Variants in KLRG2 observed in about 807,000 individuals in gnomAD.
KLRG2 encodes killer cell lectin like receptor G2.
A neutral mutation model predicts 35.4 loss-of-function variants in KLRG2; 39 were observed. The ratio of observed to expected loss-of-function variants is 1.10; its 90% CI spans 0.85 to 1.44. The LOEUF (loss-of-function observed/expected upper bound fraction) is 1.44, where lower values mean the gene tolerates loss of function less well. Ranked by LOEUF, KLRG2 falls within the 40% of genes most tolerant of loss-of-function variation. The probability of loss-of-function intolerance (pLI) is 0.00; values close to 1 mark genes in which losing one functional copy is unlikely to be tolerated. For synonymous variants in KLRG2, 283 were observed against 265.8 expected (o/e 1.06, Z -0.63); for missense variants, 632 against 570.9 (o/e 1.11, Z -1.09).
At position 139,479,567 on chromosome 7, in the gene KLRG2, G is replaced by A. The variant is rs150561934; in HGVS notation, c.1005+60C>T. 5.2e-5 allele frequency: 78 copies of A among 1,510,232 alleles called. No individual in the cohort carries two copies. In the African/African-American group the frequency reaches 9.0e-4, roughly 17 times the overall value. The allele number at this position is 1,510,232 out of a possible 1,614,324, so 93.6% of individuals were successfully genotyped here. A position where few individuals can be genotyped will look rare whatever the true frequency, so the allele number is the denominator to read the frequency against. ...CTCAATCATTAAGCTTCTTTCCAGT[G>A]CTAGGATTCTGTGGTCTAGAAAGAT... On this transcript the variant is annotated intron_variant, in intron 3 of 4. Transcript: ENST00000340940.
intron 3 of KLRG2, among the ~76,000 whole-genome samples, chr7:139,472,593 AAAG>A (rs1796777704): frequency 6.6e-6 from 1 of 151,974 alleles, no homozygotes; most frequent in Non-Finnish European, 1.5e-5. Flanking sequence ...AAAAAAAAAA[AAAG>A]AATGGGAAGA....
At chr7:139,429,900 C>T in the KLRG2 span, among the ~76,000 whole-genome samples, 714 of 152,142 alleles carry the variant, frequency 4.7e-3, 10 homozygotes, top group African/African-American at 0.017. Context: ...ACCTCCCAGA[C>T]GGGGTGGCGG....
chr7:139,481,024 G>T (rs939172533), intron 1 of KLRG2, among the ~76,000 whole-genome samples: 2 of 152,156 alleles, frequency 1.3e-5, no homozygotes, highest in East Asian at 3.8e-4. Flanking sequence ...GATTACAGGC[G>T]TGAGCCACCG....
At chr7:139,460,058 A>T (rs1796542819) in intron 3 of KLRG2, among the ~76,000 whole-genome samples, 1 of 151,760 alleles carries the variant, frequency 6.6e-6, no homozygotes, top group Non-Finnish European at 1.5e-5. Context: ...CCATATTTGT[A>T]TATTTTTAGT....
intron 3 of KLRG2, among the ~76,000 whole-genome samples, chr7:139,469,292 T>C (rs1796718166): frequency 6.6e-6 from 1 of 152,160 alleles, no homozygotes; most frequent in Non-Finnish European, 1.5e-5. Flanking sequence ...CCCGAATAGC[T>C]GGGACTACAG....
rs886120242 is a variant in KLRG2, at chr7:139,469,235, C to T, written c.1005+10392G>A. Among the ~76,000 whole-genome samples, 9 of 152,228 alleles carry T rather than the reference C, an allele frequency of 5.9e-5. 1 individual carries two copies. The highest frequency in any genetic ancestry group is 1.5e-5 in the Non-Finnish European group (1 of 68,038). ...AGTGCGGTGGTGCGATCTTTGCTCA[C>T]TGCAGCCTCTGCCTCCCAGGTTCAA... On this transcript the variant is annotated intron_variant, in intron 3 of 4. Transcript: ENST00000340940.
chr7:139,451,849 T>C (rs1321120586), downstream of KLRG2, among the ~76,000 whole-genome samples: 1 of 152,024 alleles, frequency 6.6e-6, no homozygotes, highest in African/African-American at 2.4e-5. Context: ...TGGGAACACA[T>C]GGCAGGGGAT....
chr7:139,437,152 C>T, the KLRG2 span, among the ~76,000 whole-genome samples: 4 of 152,286 alleles, frequency 2.6e-5, no homozygotes, highest in South Asian at 4.2e-4. Flanking sequence ...TTTGGCCAGG[C>T]GCAGTGGCTC....
chr7:139,469,741 G>A (rs565728784), intron 3 of KLRG2, among the ~76,000 whole-genome samples: 1 of 152,318 alleles, frequency 6.6e-6, no homozygotes, highest in Admixed American at 6.5e-5. Flanking sequence ...ACTACGCCCG[G>A]CTAATACAGT....
chr7:139,440,464 A>G, the KLRG2 span, among the ~76,000 whole-genome samples: 1 of 117,636 alleles, frequency 8.5e-6, no homozygotes, highest in South Asian at 2.6e-4. Flanking sequence ...GGATCTTCCC[A>G]TGTTACCCAG....
chr7:139,482,495 C>A (rs1016069359), intron 1 of KLRG2, among the ~76,000 whole-genome samples: 2 of 151,940 alleles, frequency 1.3e-5, no homozygotes, highest in Non-Finnish European at 2.9e-5. Context: ...CGGGTTCAAG[C>A]GACTCTCCTG....
chr7:139,430,439 A>G, the KLRG2 span, among the ~76,000 whole-genome samples: 1 of 152,116 alleles, frequency 6.6e-6, no homozygotes, highest in Admixed American at 6.5e-5. Flanking sequence ...ATCCCATTAC[A>G]CATCCACTAG....
chr7:139,448,255 T>A (rs1326268422), downstream of KLRG2, among the ~76,000 whole-genome samples: 4 of 152,008 alleles, frequency 2.6e-5, no homozygotes, highest in African/African-American at 9.7e-5. Context: ...CTCTGCCTCC[T>A]AAAGTCCTGT....
chr7:139,462,208 G>A (rs953977900), intron 3 of KLRG2, among the ~76,000 whole-genome samples: 1 of 152,110 alleles, frequency 6.6e-6, no homozygotes, highest in Non-Finnish European at 1.5e-5. Context: ...GTTTAATCAC[G>A]CAGGGATGCC....
chr7:139,475,264 G>A (rs1218827294), intron 3 of KLRG2, among the ~76,000 whole-genome samples: 1 of 152,194 alleles, frequency 6.6e-6, no homozygotes, highest in Non-Finnish European at 1.5e-5. Context: ...GGGCGCGGTG[G>A]CTCACGCCTG....
chr7:139,461,783 G>C (rs575632392), intron 3 of KLRG2, among the ~76,000 whole-genome samples: 3 of 151,896 alleles, frequency 2.0e-5, no homozygotes, highest in Non-Finnish European at 4.4e-5. Context: ...GACTCAGCCC[G>C]CCTGCACCCA....
intron 3 of KLRG2, among the ~76,000 whole-genome samples, chr7:139,462,118 A>G (rs1796578904): frequency 6.6e-6 from 1 of 152,110 alleles, no homozygotes; most frequent in African/African-American, 2.4e-5. Context: ...CTTTTCTGGT[A>G]GAGACAGGAG....
the KLRG2 span, among the ~76,000 whole-genome samples, chr7:139,440,057 CTG>C: frequency 4.6e-4 from 70 of 152,198 alleles, no homozygotes; most frequent in Middle Eastern, 3.4e-3. Context: ...TGTCTTCTCC[CTG>C]TGTCTTTTTT....
At chr7:139,450,658 G>A (rs1346687501), downstream of KLRG2, among the ~76,000 whole-genome samples, 1 of 152,040 alleles carries the variant, frequency 6.6e-6, no homozygotes, top group Non-Finnish European at 1.5e-5. Flanking sequence ...TAGTTTTTTA[G>A]TTATACCTTC....
Sources: allele counts gnomAD v4.1 joint callset (sites outside exome capture counted in the v4.1 genomes callset), GRCh38; gene constraint gnomAD v4.1.1; transcripts MANE v1.5; gene names NCBI Gene and HGNC (gene_info 2026-07-23, HGNC 2026-07-21).